SPTBN1: variants seen among roughly 807,000 people sequenced by gnomAD.
SPTBN1 encodes the protein spectrin beta, non-erythrocytic 1.
A neutral mutation model predicts 266.4 loss-of-function variants in SPTBN1; 32 were observed. That is an observed-to-expected ratio of 0.12 (90% CI 0.09 to 0.16). The LOEUF is 0.16. Ranked by LOEUF, SPTBN1 falls within the 10% of genes least tolerant of loss-of-function variation. The probability of loss-of-function intolerance (pLI) is 1.00; values close to 1 mark genes in which losing one functional copy is unlikely to be tolerated. For synonymous variants in SPTBN1, 1,336 were observed against 1,162.2 expected, an observed-to-expected ratio of 1.15 and a Z score of -3.04; for missense variants, 2,296 against 3,067.1, an observed-to-expected ratio of 0.75 and a Z score of 5.94.
Position 54,631,091 on chromosome 2 carries a change from T to A in SPTBN1, c.3044T>A (p.Leu1015Gln). Residue 1015 changes from leucine (L) to glutamine (Q), a missense_variant, in exon 16 of 36, where the codon CTG becomes CAG. Leu to Gln is a moderately radical substitution (Grantham distance 113). Coordinates refer to ENST00000356805, the MANE Select transcript of SPTBN1 (RefSeq NM_003128.3). ...LVAIEAKLSD[L>Q]QKEAEKLESE... is the part of the protein sequence containing the mutation. Reference sequence around the variant, plus strand: ...GCCATTGAGGCAAAGCTGAGTGACCTGCAGAAGGAGGCGGAGAAGCTGGAG... The same window carrying A: ...GCCATTGAGGCAAAGCTGAGTGACCAGCAGAAGGAGGCGGAGAAGCTGGAG... The A allele has an allele frequency of 6.2e-7, 1 of 1,613,964 alleles. No individual in the cohort carries two copies. Among genetic ancestry groups the A allele is most frequent in the East Asian group, 2.2e-5 (1 of 44,890 alleles).
intron 1 of SPTBN1, among the ~76,000 whole-genome samples, chr2:54,498,435 A>G (rs1445279968): frequency 1.3e-5 from 2 of 152,210 alleles, no homozygotes; most frequent in African/African-American, 2.4e-5. Flanking sequence ...TTCCAGCTTC[A>G]CTATCGTTTA....
In SPTBN1 at chr2:54,629,202, C is replaced by A. The variant is rs922659479; in HGVS notation, c.2068C>A (p.Arg690Ser). 6.2e-7 allele frequency: 1 copy of A among 1,613,520 alleles called. No homozygotes were observed. The highest frequency in any genetic ancestry group is 8.5e-7 in the Non-Finnish European group (1 of 1,179,962). ...GGCGTTCGAGGACGAGATGAGCGGCCGCAGTGGCCACTTTGAGCAGGCCAT... is the reference window on the plus strand; with the variant it reads ...GGCGTTCGAGGACGAGATGAGCGGCAGCAGTGGCCACTTTGAGCAGGCCAT... ...HRAFEDEMSGRSGHFEQAIKE... is the reference protein window; with the variant it reads ...HRAFEDEMSGSSGHFEQAIKE... Residue 690 changes from arginine to serine, a missense_variant, in exon 14 of 36, where the codon CGC (arginine) becomes AGC (serine). Physicochemically the swap from Arg to Ser is moderately radical, Grantham distance 110 (BLOSUM62 -1). Around this residue, in one of 12 missense-constraint regions of SPTBN1, gnomAD observed 434 missense variants for 573.9 expected, o/e 0.76. Coordinates refer to ENST00000356805, the MANE Select transcript of SPTBN1 (RefSeq NM_003128.3).
intron 2 of SPTBN1, among the ~76,000 whole-genome samples, chr2:54,561,170 A>T (rs1192388072): frequency 6.6e-6 from 1 of 152,142 alleles, no homozygotes; most frequent in African/African-American, 2.4e-5. Context: ...TAAGAGACAG[A>T]GTCTCACGCT....
intron 1 of SPTBN1, among the ~76,000 whole-genome samples, chr2:54,472,022 G>GATTTTT (rs1693949488): frequency 1.5e-5 from 1 of 66,802 alleles, no homozygotes; most frequent in Non-Finnish European, 2.6e-5. Flanking sequence ...CCCTGAAGAT[G>GATTTTT]TTTTTTTTTT....
intron 2 of SPTBN1, among the ~76,000 whole-genome samples, chr2:54,571,545 G>A (rs1038722202): frequency 3.0e-5 from 3 of 99,240 alleles, no homozygotes; most frequent in South Asian, 3.0e-4. Flanking sequence ...CTAATTGTAT[G>A]TACACACACA....
intron 2 of SPTBN1, among the ~76,000 whole-genome samples, chr2:54,560,503 G>A (rs1411666144): frequency 2.0e-5 from 3 of 152,086 alleles, no homozygotes; most frequent in African/African-American, 4.8e-5. Flanking sequence ...GAAGGGTGGA[G>A]CCTACACACA....
intron 3 of SPTBN1, among the ~76,000 whole-genome samples, chr2:54,606,011 A>G (rs771288013): frequency 4.6e-5 from 7 of 152,120 alleles, no homozygotes; most frequent in Non-Finnish European, 7.4e-5. Context: ...CCTGGACCCC[A>G]TGTTCATGTG....
At chr2:54,556,825 TACTC>T (rs1672910684) in intron 2 of SPTBN1, among the ~76,000 whole-genome samples, 1 of 152,198 alleles carries the variant, frequency 6.6e-6, no homozygotes. Flanking sequence ...CATTAATTAT[TACTC>T]AGTCTGACAG....
At chr2:54,516,423 G>A (rs1334364476) in intron 1 of SPTBN1, 1 of 152,164 alleles carries the variant, frequency 6.6e-6, no homozygotes, top group Non-Finnish European at 1.5e-5. Flanking sequence ...ATTAGGTTGT[G>A]TTCTTATGGT....
rs1366458883 is a variant in SPTBN1, at chr2:54,649,671, G to A, written c.5259G>A (p.Glu1753=). The change falls in exon 26 of 36, where the codon GAG becomes GAA. Residue 1753 remains glutamate, a synonymous_variant. Coordinates refer to ENST00000356805, the MANE Select transcript of SPTBN1 (RefSeq NM_003128.3). The surrounding 1 kb of genome is among the most constrained non-coding windows in gnomAD (Gnocchi z 6.7). ...GAGACACCGGGAACATTGGGCAGGA[G>A]CGCGTGGACACGGTCAATCACCTGG... ...FARDTGNIGQ[E]RVDTVNHLAD... 4.3e-6 allele frequency: 7 copies of A among 1,613,772 alleles called. No homozygotes were observed. The highest frequency in any genetic ancestry group is 5.9e-6 in the Non-Finnish European group (7 of 1,179,784).
rs1354996091 is a variant in SPTBN1 at position 54,558,181 on chromosome 2, CGGCGGCTGCCG to C, written c.148+31624_148+31634del. 2.0e-6 allele frequency: 2 copies of C among 985,256 alleles called. No homozygotes were observed. Among genetic ancestry groups the C allele is most frequent in the Non-Finnish European group, 2.4e-6 (2 of 829,908 alleles). The allele number at this position is 985,256 out of a possible 1,614,324, so 61.0% of individuals were successfully genotyped here. On this transcript the variant is annotated intron_variant, in intron 2 of 35. Coordinates refer to ENST00000356805, the MANE Select transcript of SPTBN1 (RefSeq NM_003128.3). This position sits in a 1 kb window ranked among gnomAD's most constrained non-coding sequence, Gnocchi z 4.6. The stretch of plus-strand genomic sequence containing the variant: ...GCGAGTCCAGGGCCCGGCCGGGGGT[CGGCGGCTGCCG>C]GGCGGCTGGGGCGACCGCGGACCGT...
intron 2 of SPTBN1, among the ~76,000 whole-genome samples, chr2:54,591,317 AT>A (rs2104626003): frequency 6.6e-6 from 1 of 152,178 alleles, no homozygotes; most frequent in South Asian, 2.1e-4. Flanking sequence ...TCCCCTTTTG[AT>A]TTCTTCTTAA....
rs990704868 is a variant in SPTBN1 at position 54,558,231 on chromosome 2, G to A, written c.148+31665G>A. 60 of 985,238 alleles carry A rather than the reference G, an allele frequency of 6.1e-5. No individual in the cohort carries two copies. Among genetic ancestry groups the A allele is most frequent in the Non-Finnish European group, 6.0e-5 (50 of 829,896 alleles). The allele number at this position is 985,238 out of a possible 1,614,324, so 61.0% of individuals were successfully genotyped here. A position where few individuals can be genotyped will look rare whatever the true frequency, so the allele number is the denominator to read the frequency against. Reference sequence around the variant, plus strand: ...ACCGCGGACCGTGCGGGACCGGTAGGGGGTCGCGGGCCGGCTAGGCTCCCC... The same window carrying A: ...ACCGCGGACCGTGCGGGACCGGTAGAGGGTCGCGGGCCGGCTAGGCTCCCC... On this transcript the variant is annotated intron_variant, in intron 2 of 35. Transcript: ENST00000356805. The surrounding 1 kb of genome is among the most constrained non-coding windows in gnomAD (Gnocchi z 4.6).
At chr2:54,553,460 T>C (rs550564575) in intron 2 of SPTBN1, among the ~76,000 whole-genome samples, 32 of 152,358 alleles carry the variant, frequency 2.1e-4, no homozygotes, top group African/African-American at 7.2e-4. Flanking sequence ...GCCGCTTCTC[T>C]ATCTGGCCAC....
At chr2:54,632,315 A>G (rs541858651) in intron 16 of SPTBN1, among the ~76,000 whole-genome samples, 4 of 152,164 alleles carry the variant, frequency 2.6e-5, no homozygotes, top group Non-Finnish European at 5.9e-5. Context: ...AGGCTGATAC[A>G]CAAAGCTTTG....
chr2:54,532,663 G>A (rs767454539), intron 2 of SPTBN1, among the ~76,000 whole-genome samples: 2 of 152,204 alleles, frequency 1.3e-5, no homozygotes, highest in Non-Finnish European at 2.9e-5. Context: ...CTTGCATCCC[G>A]TGATTGCAGG....
At chr2:54,660,302 C>T (rs1680951450) in intron 32 of SPTBN1, 1 of 1,301,896 alleles carries the variant, frequency 7.7e-7, no homozygotes, top group African/African-American at 1.5e-5. Context: ...TTATTGTGAG[C>T]TTTTTACTTT....
intron 1 of SPTBN1, among the ~76,000 whole-genome samples, chr2:54,456,910 C>T (rs1311194684): frequency 6.7e-6 from 1 of 150,046 alleles, no homozygotes; most frequent in Non-Finnish European, 1.5e-5. Context: ...GCGGAGGCCC[C>T]TGGCGCGGAG....
intron 2 of SPTBN1, among the ~76,000 whole-genome samples, chr2:54,587,539 T>C (rs1675373340): frequency 6.6e-6 from 1 of 152,220 alleles, no homozygotes; most frequent in Non-Finnish European, 1.5e-5. Flanking sequence ...TTTAAGGGCA[T>C]TGCAAGTTAC....
Sources: gnomAD v4.1 joint callset for allele counts (sites outside exome capture counted in the v4.1 genomes callset) on GRCh38, gnomAD v4.1.1 for gene constraint, gnomAD v4.1.1 regional missense constraint, Gnocchi (gnomAD v3.1) non-coding constraint, MANE v1.5 for transcripts, NCBI Gene and HGNC (gene_info 2026-07-23, HGNC 2026-07-21) for gene names.